AVIL: variants seen among roughly 807,000 people sequenced by gnomAD.
AVIL encodes the protein advillin.
In AVIL, 78 loss-of-function variants were observed where a neutral mutation model predicts 109.9. The observed-to-expected ratio is 0.71, with a 90% CI of 0.59 to 0.86. AVIL has a LOEUF of 0.86. Ranked by LOEUF, AVIL falls within the 40% of genes least tolerant of loss-of-function variation. AVIL has a pLI of 0.00. For synonymous variants in AVIL, 367 were observed against 379.1 expected (o/e 0.97, Z 0.37); for missense variants, 892 against 1,016.5 (o/e 0.88, Z 1.67).
intron 18 of AVIL, chr12:57,800,441 C>T (rs1384820230): frequency 6.5e-6 from 1 of 153,776 alleles, no homozygotes; most frequent in African/African-American, 2.4e-5. Flanking sequence ...GGCTCCACTT[C>T]TTTTAACCAT....
Position 57,802,898 on chromosome 12 carries a change from A to G in AVIL, c.1962+349T>C, listed in dbSNP as rs114710878. 2.5e-3 allele frequency: 1,329 copies of G among 536,368 alleles called. 13 individuals carry two copies. The highest frequency in any genetic ancestry group is 0.023 in the African/African-American group (1,195 of 52,818). 33.2% of individuals were successfully genotyped at this position (536,368 alleles called of 1,614,324 possible). A position where few individuals can be genotyped will look rare whatever the true frequency, so the allele number is the denominator to read the frequency against. On this transcript the variant is annotated intron_variant, in intron 16 of 19. Coordinates refer to ENST00000549994, the MANE Select transcript of AVIL (RefSeq NM_006576.4). ...CAGTAGCTCTTACTTGACCATGACAATAGTCTACTGACTGCCTTTGTTCCC... is the reference window on the plus strand; with the variant it reads ...CAGTAGCTCTTACTTGACCATGACAGTAGTCTACTGACTGCCTTTGTTCCC...
chr12:57,817,842 C>A (rs1349128319), intron 1 of AVIL, among the ~76,000 whole-genome samples: 2 of 152,160 alleles, frequency 1.3e-5, no homozygotes, highest in Admixed American at 1.3e-4. Flanking sequence ...GTTCTGACAT[C>A]AAATCTCCCA....
chr12:57,811,110 A>G lies in AVIL; in HGVS notation c.356T>C (p.Val119Ala). The change falls in exon 5 of 20, where the codon GTC becomes GCC. Residue 119 changes from valine (V) to alanine (A), a missense_variant. By Grantham distance (64) the Val-to-Ala change is moderately conservative (BLOSUM62 0). Coordinates refer to ENST00000549994, the MANE Select transcript of AVIL (RefSeq NM_006576.4). ...KQGIIYKQGG[V>A]ASGMKHVETN... ...CTCCACGTGCTTCATCCCAGAGGCG[A>G]CACCCCCCTGCTTGTAGCTAAGGGA... The G allele has an allele frequency of 6.2e-7, 1 of 1,614,022 alleles. No homozygotes were observed. Among genetic ancestry groups the G allele is most frequent in the Non-Finnish European group, 8.5e-7 (1 of 1,180,012 alleles).
At position 57,803,357 on chromosome 12, in the gene AVIL, G is replaced by C. The variant is rs1955888140; in HGVS notation, c.1852C>G (p.Leu618Val). ...CCGGTCTTATTGGAACATTCAAAGA[G>C]ACGAGACTGGACATCTAGGATTTCC... ...QQEILDVQSR[L>V]FECSNKTGQF... The change falls in exon 16 of 20, where the codon CTC (leucine) becomes GTC (valine). Residue 618 changes from leucine (L) to valine (V), a missense_variant. By Grantham distance (32) the Leu-to-Val change is conservative. Coordinates refer to ENST00000549994, the MANE Select transcript of AVIL (RefSeq NM_006576.4). 6.2e-7 allele frequency: 1 copy of C among 1,614,178 alleles called. No homozygotes were observed. The highest frequency in any genetic ancestry group is 1.3e-5 in the African/African-American group (1 of 75,032).
At chr12:57,804,666 G>A (rs1226236313) in intron 14 of AVIL, among the ~76,000 whole-genome samples, 1 of 152,078 alleles carries the variant, frequency 6.6e-6, no homozygotes, top group East Asian at 1.9e-4. Flanking sequence ...ACAATTAGCT[G>A]GGTGTGGTGG....
Position 57,802,247 on chromosome 12 carries a change from G to A in AVIL, c.2064C>T (p.Pro688=), listed in dbSNP as rs144075748. The A allele has an allele frequency of 5.6e-6, 9 of 1,613,916 alleles. No individual in the cohort carries two copies. Among genetic ancestry groups the A allele is most frequent in the African/African-American group, 1.3e-5 (1 of 74,872 alleles). The part of the protein sequence containing the change: ...YLHTHPSGRD[P]DTPILIIKQG... ...GCTTAATGATCAGGATTGGTGTGTC[G>A]GGATCTCGGCCGCTGGGGTGAGTGT... Residue 688 remains proline, a synonymous_variant, in exon 17 of 20, where the codon CCC becomes CCT. Transcript: ENST00000549994.
intron 1 of AVIL, 71 bp from the exon 2 acceptor site, chr12:57,816,130 C>G (rs1388039120): frequency 2.3e-6 from 3 of 1,311,086 alleles, no homozygotes; most frequent in African/African-American, 1.5e-5. Context: ...GTTTTTCTGC[C>G]GAGCTGCTTC....
rs1955760273 is a variant in AVIL, at chr12:57,797,519, A to G, written c.*363T>C. 1.0e-6 allele frequency: 1 copy of G among 968,096 alleles called. No individual in the cohort carries two copies. The highest frequency in any genetic ancestry group is 1.1e-4 in the East Asian group (1 of 8,784). The allele number at this position is 968,096 out of a possible 1,614,324, so 60.0% of individuals were successfully genotyped here. On this transcript the variant is annotated 3_prime_UTR_variant, in exon 20 of 20. Coordinates refer to ENST00000549994, the MANE Select transcript of AVIL (RefSeq NM_006576.4). Reference sequence around the variant, plus strand: ...ATAGATTTTAGAAATAATCATCTTAAAATTGAAAACAAAGGTAGGTCCTGG... The same window carrying G: ...ATAGATTTTAGAAATAATCATCTTAGAATTGAAAACAAAGGTAGGTCCTGG...
At chr12:57,813,098 G>T (rs1956057615) in intron 4 of AVIL, 129 bp downstream of exon 4, 3 of 1,167,536 alleles carry the variant, frequency 2.6e-6, no homozygotes, top group Non-Finnish European at 3.6e-6. Context: ...CTGCTCTAGT[G>T]GGTGGAAGTG....
intron 3 of AVIL, 138 bp from the exon 4 acceptor site, chr12:57,813,561 G>A (rs1956065114): frequency 2.4e-6 from 2 of 835,606 alleles, no homozygotes; most frequent in Non-Finnish European, 3.6e-6. Context: ...GGATGTGGGA[G>A]CTGCCCTGGC....
At chr12:57,814,490 A>C in intron 2 of AVIL, 1 of 427,476 alleles carries the variant, frequency 2.3e-6, no homozygotes, top group Admixed American at 3.5e-5. Context: ...TCTACTTCCC[A>C]CCCGATCTCA....
Position 57,809,682 on chromosome 12 carries a change from A to C in AVIL, c.854T>G (p.Leu285Arg), listed in dbSNP as rs539920578. ...DLLNHDDCYI[L>R]DQSGTKIYVW... The stretch of plus-strand genomic sequence containing the variant: ...GTAGATTTTGGTTCCACTTTGGTCC[A>C]GGATGTAGCAGTCCTAAAGCAGCCA... The change falls in exon 9 of 20, where the codon CTG becomes CGG. Residue 285 changes from leucine (L) to arginine (R), a missense_variant. By Grantham distance (102) the Leu-to-Arg change is moderately radical. Transcript: ENST00000549994. 2 of 1,614,060 alleles carry C rather than the reference A, an allele frequency of 1.2e-6. No individual in the cohort carries two copies. The highest frequency in any genetic ancestry group is 2.7e-5 in the African/African-American group (2 of 74,910).
Position 57,799,791 on chromosome 12 carries a change from TCACCTC to T in AVIL, c.2344_2346+3del, listed in dbSNP as rs1371214831. The T allele has an allele frequency of 6.2e-7, 1 of 1,613,810 alleles. No homozygotes were observed. The highest frequency in any genetic ancestry group is 1.7e-5 in the Admixed American group (1 of 60,012). On this transcript the variant is annotated splice_donor_variant and splice_donor_region_variant and coding_sequence_variant and intron_variant, in exon 19 of 20. Transcript: ENST00000549994. LOFTEE classifies it high-confidence loss of function. ...CAACAGACACAGTTCCTTCAGCCAC[TCACCTC>T]CTTTTTGGCAGGGTTTACATCCTCA...
chr12:57,805,744 C>G, intron 14 of AVIL: 1 of 152,014 alleles, frequency 6.6e-6, no homozygotes, highest in Non-Finnish European at 1.5e-5. Flanking sequence ...ACTGTGTTAG[C>G]CAGGATGGTC....
chr12:57,818,182 C>CTTTTTTGTTTTTTTTTT (rs1956120113), intron 1 of AVIL, among the ~76,000 whole-genome samples: 2 of 35,254 alleles, frequency 5.7e-5, no homozygotes, highest in Non-Finnish European at 1.1e-4. Context: ...CCATGCTTGG[C>CTTTTTTGTTTTTTTTTT]TTTTTTTTTT....
At chr12:57,812,346 T>G (rs1956048730) in intron 4 of AVIL, among the ~76,000 whole-genome samples, 1 of 151,536 alleles carries the variant, frequency 6.6e-6, no homozygotes. Context: ...TCCTGTTGTT[T>G]TGTGTGCATG....
rs374565452 is a variant in AVIL, at chr12:57,807,700, C to T, written c.1222G>A (p.Val408Ile). ...EVWRIENLEL[V>I]PVEYQWYGFF... ...CCATACCATTGATACTCCACAGGGACCAGCTCCAGGTTCTCAATTCTCCAG... is the reference window on the plus strand; with the variant it reads ...CCATACCATTGATACTCCACAGGGATCAGCTCCAGGTTCTCAATTCTCCAG... The change falls in exon 12 of 20, where the codon GTC becomes ATC. Residue 408 changes from valine to isoleucine, a missense_variant. Coordinates refer to ENST00000549994, the MANE Select transcript of AVIL (RefSeq NM_006576.4). 1.0e-4 allele frequency: 166 copies of T among 1,613,914 alleles called. No individual in the cohort carries two copies. The highest frequency in any genetic ancestry group is 1.3e-4 in the Non-Finnish European group (159 of 1,180,046).
chr12:57,806,715 C>T (rs978496522), intron 13 of AVIL, 176 bp from the exon 14 acceptor site: 1 of 646,484 alleles, frequency 1.5e-6, no homozygotes, highest in African/African-American at 1.8e-5. Flanking sequence ...CAACAACTTT[C>T]ATCCTGAGAA....
chr12:57,798,809 G>A (rs1955787820), intron 19 of AVIL, among the ~76,000 whole-genome samples: 1 of 151,930 alleles, frequency 6.6e-6, no homozygotes, highest in Non-Finnish European at 1.5e-5. Flanking sequence ...TACAGACGGG[G>A]TTTCACCATA....
Sources: gnomAD v4.1 joint callset for allele counts (sites outside exome capture counted in the v4.1 genomes callset) on GRCh38, gnomAD v4.1.1 for gene constraint, MANE v1.5 for transcripts, NCBI Gene and HGNC (gene_info 2026-07-23, HGNC 2026-07-21) for gene names.